GOLGA4: variants seen among roughly 807,000 people sequenced by gnomAD.
GOLGA4 encodes golgin A4, also known as golgin subfamily A member 4.
Under a neutral mutation model 265.9 loss-of-function variants are expected in GOLGA4, and 169 were observed. That is an observed-to-expected ratio of 0.64 (90% CI 0.56 to 0.72). The LOEUF is 0.72. GOLGA4 is among the 30% of genes least tolerant of loss of function. The pLI, the probability that GOLGA4 is intolerant of heterozygous loss-of-function variation, is 0.00. For missense variants in GOLGA4, 2,482 were observed against 2,483.4 expected (o/e 1.00, Z 0.01); for synonymous variants, 923 against 855.8 (o/e 1.08, Z -1.37).
chr3:37,265,033 C>T lies in GOLGA4; in HGVS notation c.162+13549C>T, dbSNP rs998398258. 2.0e-5 allele frequency among the ~76,000 whole-genome samples: 3 copies of T among 152,204 alleles called. No homozygotes were observed. In the East Asian group the frequency reaches 5.8e-4, roughly 29 times the overall value. On this transcript the variant is annotated intron_variant, in intron 2 of 23. Transcript: ENST00000361924. ...AGTAACACCTTATATAACCATAGTA[C>T]ACTGTCCAAACAAGGAAACTGACAT...
At chr3:37,311,891 G>A (rs1327333600) in intron 10 of GOLGA4, among the ~76,000 whole-genome samples, 1 of 152,098 alleles carries the variant, frequency 6.6e-6, no homozygotes, top group Non-Finnish European at 1.5e-5. Flanking sequence ...ATCTAAACAG[G>A]AACTTGTGGC....
At chr3:37,259,277 CT>C (rs2096762861) in intron 2 of GOLGA4, among the ~76,000 whole-genome samples, 1 of 152,168 alleles carries the variant, frequency 6.6e-6, no homozygotes. Flanking sequence ...TGGCCTGAGC[CT>C]ACCTGTATAT....
chr3:37,338,861 C>CTTTT (rs1284511741), intron 19 of GOLGA4, among the ~76,000 whole-genome samples: 7 of 129,924 alleles, frequency 5.4e-5, no homozygotes, highest in African/African-American at 1.1e-4. Flanking sequence ...TTATGTTAGG[C>CTTTT]TTTTTTTTTT....
chr3:37,339,814 C>T (rs2097026837), intron 19 of GOLGA4, among the ~76,000 whole-genome samples: 1 of 152,176 alleles, frequency 6.6e-6, no homozygotes, highest in African/African-American at 2.4e-5. Flanking sequence ...TATTTTCTCC[C>T]ATTCTGTAGC....
chr3:37,278,908 G>A (rs937084098), intron 2 of GOLGA4, among the ~76,000 whole-genome samples: 2 of 151,698 alleles, frequency 1.3e-5, no homozygotes, highest in Admixed American at 6.6e-5. Flanking sequence ...AAACTCCTGG[G>A]CTCAAGCAGT....
intron 2 of GOLGA4, among the ~76,000 whole-genome samples, chr3:37,273,203 T>G (rs920891453): frequency 6.6e-6 from 1 of 152,218 alleles, no homozygotes; most frequent in African/African-American, 2.4e-5. Context: ...GAGTGAGATT[T>G]GTGCATTGAT....
chr3:37,337,981 A>G (rs1315191131), intron 19 of GOLGA4, among the ~76,000 whole-genome samples: 1 of 152,178 alleles, frequency 6.6e-6, no homozygotes, highest in African/African-American at 2.4e-5. Context: ...TGATCGTATA[A>G]TGTATAGTAA....
rs779515879 is a variant in GOLGA4, at chr3:37,302,302, C to T, written c.1204C>T (p.Arg402Trp). The T allele has an allele frequency of 9.9e-6, 16 of 1,613,398 alleles. No homozygotes were observed. The East Asian group carries it at 1.8e-4, about 18-fold the overall frequency. Residue 402 changes from arginine to tryptophan, a missense_variant, in exon 10 of 24, where the codon CGG (arginine) becomes TGG (tryptophan). By Grantham distance (101) the Arg-to-Trp change is moderately radical (BLOSUM62 -3). This residue lies in a region of GOLGA4 where 1,536 missense variants were observed against 1,483.7 expected (regional missense o/e 1.04). Coordinates refer to ENST00000361924, the MANE Select transcript of GOLGA4 (RefSeq NM_002078.5). ...KQMTTQGEEL[R>W]EQKEKSERAA... is the part of the protein sequence containing the mutation. ...GATGACTACCCAGGGAGAGGAATTA[C>T]GGGAACAGAAAGAAAAGTCCGAAAG...
At chr3:37,283,080 A>G (rs1162403689) in intron 3 of GOLGA4, among the ~76,000 whole-genome samples, 7 of 152,220 alleles carry the variant, frequency 4.6e-5, no homozygotes, top group African/African-American at 1.4e-4. Flanking sequence ...AATGAATACT[A>G]AAGTTCAGAG....
At chr3:37,274,662 C>T (rs1179079390) in intron 2 of GOLGA4, among the ~76,000 whole-genome samples, 1 of 151,648 alleles carries the variant, frequency 6.6e-6, no homozygotes, top group Non-Finnish European at 1.5e-5. Context: ...CACTGCACTC[C>T]AGCTTGGATG....
At chr3:37,277,084 C>G (rs2096821412) in intron 2 of GOLGA4, among the ~76,000 whole-genome samples, 1 of 151,980 alleles carries the variant, frequency 6.6e-6, no homozygotes, top group Admixed American at 6.6e-5. Context: ...ACTTGACCAG[C>G]TTATCTAAAA....
chr3:37,355,148 G>T lies in GOLGA4; in HGVS notation c.6624G>T (p.Gln2208His). The change falls in exon 22 of 24, where the codon CAG becomes CAT. Residue 2208 changes from glutamine to histidine, a missense_variant. Coordinates refer to ENST00000361924, the MANE Select transcript of GOLGA4 (RefSeq NM_002078.5). Reference sequence around the variant, plus strand: ...CCGTACTGAAGTTCCCTGATGATCAGACTCAGAAAATTTTGGAAAGAGAAG... The same window carrying T: ...CCGTACTGAAGTTCCCTGATGATCATACTCAGAAAATTTTGGAAAGAGAAG... ...ITTVLKFPDD[Q>H]TQKILEREDA... The T allele has an allele frequency of 6.2e-7, 1 of 1,609,474 alleles. No homozygotes were observed. The highest frequency in any genetic ancestry group is 1.1e-5 in the South Asian group (1 of 90,974).
At chr3:37,275,954 G>A (rs2096816702) in intron 2 of GOLGA4, 81 of 1,613,310 alleles carry the variant, frequency 5.0e-5, no homozygotes, top group East Asian at 3.3e-4. Context: ...AGACCTTGAC[G>A]AAAAGAAGAA....
At chr3:37,317,520 A>C (rs1030929154) in intron 11 of GOLGA4, among the ~76,000 whole-genome samples, 1 of 152,164 alleles carries the variant, frequency 6.6e-6, no homozygotes, top group African/African-American at 2.4e-5. Context: ...TTTAGGGTAG[A>C]TGCCTAGAAG....
chr3:37,348,571 G>A (rs1578832656), intron 21 of GOLGA4, among the ~76,000 whole-genome samples: 1 of 152,080 alleles, frequency 6.6e-6, no homozygotes, highest in East Asian at 1.9e-4. Context: ...TCCCTGTGGG[G>A]GGATATTTGA....
rs2097019120 is a variant in GOLGA4 at position 37,337,726 on chromosome 3, A to C, written c.6388A>C (p.Arg2130=). 6.3e-7 allele frequency: 1 copy of C among 1,599,332 alleles called. No homozygotes were observed. The highest frequency in any genetic ancestry group is 1.3e-5 in the African/African-American group (1 of 74,648). The change falls in exon 19 of 24, where the codon AGA becomes CGA. Residue 2130 remains arginine, a synonymous_variant. Coordinates refer to ENST00000361924, the MANE Select transcript of GOLGA4 (RefSeq NM_002078.5). ...SDSKLKEQEF[R]EQIHNLEDRL... ...TTCGAAATTGAAAGAGCAAGAGTTC[A>C]GAGAACAGGTACAGGCCTAATTGGT...
intron 23 of GOLGA4, among the ~76,000 whole-genome samples, chr3:37,364,272 C>T (rs931183022): frequency 2.0e-5 from 3 of 152,084 alleles, no homozygotes; most frequent in African/African-American, 7.2e-5. Context: ...CGGAGTTTCA[C>T]TCTTGTTGCC....
rs2096955659 is a variant in GOLGA4 at position 37,321,776 on chromosome 3, C to T, written c.1591C>T (p.Gln531Ter). Residue 531 changes from glutamine to a stop codon, truncating the protein, a stop_gained, in exon 13 of 24, where the codon CAG (glutamine) becomes TAG (stop). Transcript: ENST00000361924. LOFTEE classifies it high-confidence loss of function. ...EYLKISQEKE[Q>*]QESLALEELE... ...TTTGAAGATCAGCCAAGAAAAAGAA[C>T]AGCAAGAATCTTTGGCCCTAGAAGA... 2 of 1,611,242 alleles carry T rather than the reference C, an allele frequency of 1.2e-6. No individual in the cohort carries two copies. The highest frequency in any genetic ancestry group is 2.2e-5 in the East Asian group (1 of 44,858).
chr3:37,250,478 A>T, intron 1 of GOLGA4: 1 of 152,208 alleles, frequency 6.6e-6, no homozygotes, highest in East Asian at 1.9e-4. Flanking sequence ...ACGACCTCTC[A>T]GTTCCACCCT....
Sources: allele counts gnomAD v4.1 joint callset (sites outside exome capture counted in the v4.1 genomes callset), GRCh38; gene constraint gnomAD v4.1.1; regional missense constraint gnomAD v4.1.1; transcripts MANE v1.5; gene names NCBI Gene and HGNC (gene_info 2026-07-23, HGNC 2026-07-21).